PAPPA2: variants seen among roughly 807,000 people sequenced by gnomAD.
PAPPA2 encodes the protein pappalysin-2.
In PAPPA2, 86 loss-of-function variants were observed where a neutral mutation model predicts 176.4. The ratio of observed to expected loss-of-function variants is 0.49; its 90% CI spans 0.41 to 0.58. The LOEUF is 0.58. Among genes scored for constraint, PAPPA2 ranks in the 20% least tolerant of loss-of-function variants. The pLI, the probability that PAPPA2 is intolerant of heterozygous loss-of-function variation, is 0.00. For missense variants in PAPPA2, 2,073 were observed against 2,256.9 expected (o/e 0.92, Z 1.65); for synonymous variants, 809 against 852.2 (o/e 0.95, Z 0.88).
intron 1 of PAPPA2, among the ~76,000 whole-genome samples, chr1:176,494,669 A>G (rs1647499482): frequency 6.6e-6 from 1 of 152,092 alleles, no homozygotes; most frequent in Non-Finnish European, 1.5e-5. Context: ...GGCACACCAT[A>G]CTCACATCAG....
intron 4 of PAPPA2, among the ~76,000 whole-genome samples, chr1:176,672,243 T>C (rs1659051181): frequency 6.6e-6 from 1 of 152,054 alleles, no homozygotes; most frequent in Non-Finnish European, 1.5e-5. Context: ...ATGTTCTAGA[T>C]AGCATTCTAT....
At chr1:176,632,793 A>C (rs1399343530) in intron 3 of PAPPA2, among the ~76,000 whole-genome samples, 1 of 152,220 alleles carries the variant, frequency 6.6e-6, no homozygotes, top group Non-Finnish European at 1.5e-5. Flanking sequence ...CTCTTAGAAC[A>C]AAATTTTAAA....
At position 176,556,696 on chromosome 1, in the gene PAPPA2, C is replaced by T. The variant is rs768159964; in HGVS notation, c.374C>T (p.Pro125Leu). The T allele has an allele frequency of 3.1e-6, 5 of 1,614,080 alleles. No homozygotes were observed. Among genetic ancestry groups the T allele is most frequent in the Middle Eastern group, 1.6e-4 (1 of 6,062 alleles). Residue 125 changes from proline to leucine, a missense_variant, in exon 2 of 23, where the codon CCG (proline) becomes CTG (leucine). This residue lies in a region of PAPPA2 where 1,196 missense variants were observed against 1,330.4 expected (regional missense o/e 0.90). Coordinates refer to ENST00000367662, the MANE Select transcript of PAPPA2 (RefSeq NM_020318.3). ...GGACTGAGGGGTGCAGTTGAAGAGC[C>T]GGCTGCCCCATGGGTAGGGGATAGT... The part of the protein sequence containing the change: ...PAGLRGAVEE[P>L]AAPWVGDSPI...
At chr1:176,619,721 T>C (rs902435374) in intron 3 of PAPPA2, among the ~76,000 whole-genome samples, 8 of 152,212 alleles carry the variant, frequency 5.3e-5, no homozygotes, top group Non-Finnish European at 8.8e-5. Flanking sequence ...GGTCTTTCTG[T>C]AATCTGCCAT....
chr1:176,693,147 G>A (rs1462247302), intron 6 of PAPPA2, among the ~76,000 whole-genome samples: 2 of 152,226 alleles, frequency 1.3e-5, no homozygotes, highest in African/African-American at 2.4e-5. Flanking sequence ...CCCCTTCTGT[G>A]ACCTGTGCAG....
At chr1:176,591,554 C>A (rs1163518777) in intron 2 of PAPPA2, among the ~76,000 whole-genome samples, 1 of 152,176 alleles carries the variant, frequency 6.6e-6, no homozygotes, top group Non-Finnish European at 1.5e-5. Flanking sequence ...ATATTGAACT[C>A]TCCATGATAT....
At chr1:176,563,577 G>A (rs980118149) in intron 2 of PAPPA2, among the ~76,000 whole-genome samples, 2 of 152,030 alleles carry the variant, frequency 1.3e-5, no homozygotes, top group Non-Finnish European at 2.9e-5. Flanking sequence ...TGCAAAAGAG[G>A]CCTTCTGACC....
At chr1:176,535,466 T>C (rs1382304612) in intron 1 of PAPPA2, among the ~76,000 whole-genome samples, 1 of 152,230 alleles carries the variant, frequency 6.6e-6, no homozygotes, top group Non-Finnish European at 1.5e-5. Flanking sequence ...ACTGTACTGA[T>C]AACAGAGACA....
Position 176,623,627 on chromosome 1 carries a change from TTTAC to T in PAPPA2, c.1991+28035_1991+28038del, listed in dbSNP as rs1467678927. 2.7e-4 allele frequency among the ~76,000 whole-genome samples: 22 copies of T among 81,958 alleles called. 1 individual carries two copies. The highest frequency in any genetic ancestry group is 1.1e-3 in the South Asian group (2 of 1,848). The allele number at this position is 81,958 out of a possible 152,430, so 53.8% of individuals were successfully genotyped here. Reference sequence around the variant, plus strand: ...CCTTCCTTCCTTCCTTCCTTCCTTTTTTACTTTCTTTCTTTCTTTCTTTCTTTCT... The same window carrying T: ...CCTTCCTTCCTTCCTTCCTTCCTTTTTTTCTTTCTTTCTTTCTTTCTTTCT... On this transcript the variant is annotated intron_variant, in intron 3 of 22. Transcript: ENST00000367662.
chr1:176,750,627 GACA>G (rs547536169), intron 14 of PAPPA2, among the ~76,000 whole-genome samples: 41 of 151,418 alleles, frequency 2.7e-4, no homozygotes, highest in South Asian at 6.3e-4. Flanking sequence ...AAAACAAAGT[GACA>G]ACAACAACAA....
At chr1:176,506,461 A>T (rs1414504444) in intron 1 of PAPPA2, among the ~76,000 whole-genome samples, 1 of 151,708 alleles carries the variant, frequency 6.6e-6, no homozygotes, top group Non-Finnish European at 1.5e-5. Context: ...CATTTTAATG[A>T]TATTGTTTCT....
chr1:176,662,193 T>G (rs1658394283), intron 3 of PAPPA2, among the ~76,000 whole-genome samples: 1 of 152,176 alleles, frequency 6.6e-6, no homozygotes, highest in Admixed American at 6.5e-5. Flanking sequence ...ATCTATGTGA[T>G]CCGGGGGAAG....
At chr1:176,558,268 G>T in intron 2 of PAPPA2, among the ~76,000 whole-genome samples, 1 of 152,118 alleles carries the variant, frequency 6.6e-6, no homozygotes, top group Admixed American at 6.5e-5. Flanking sequence ...TATATTGATG[G>T]GGAAACTGAG....
At chr1:176,513,542 G>C (rs1025695793) in intron 1 of PAPPA2, among the ~76,000 whole-genome samples, 2 of 152,130 alleles carry the variant, frequency 1.3e-5, no homozygotes, top group Non-Finnish European at 1.5e-5. Context: ...AGCACAGCAC[G>C]ATATGAATAG....
At chr1:176,691,483 C>T (rs977455557) in intron 5 of PAPPA2, among the ~76,000 whole-genome samples, 3 of 152,218 alleles carry the variant, frequency 2.0e-5, no homozygotes, top group African/African-American at 7.2e-5. Context: ...GAGGGCAGAG[C>T]TCTGGAGGCA....
chr1:176,662,263 C>A (rs750193190), intron 3 of PAPPA2, among the ~76,000 whole-genome samples: 2 of 152,110 alleles, frequency 1.3e-5, no homozygotes, highest in Non-Finnish European at 2.9e-5. Context: ...ATGCTAACTT[C>A]ATAAAGTTGT....
chr1:176,616,677 TTAAGCTCCTCTA>T (rs1448412211), intron 3 of PAPPA2: 1 of 1,540,734 alleles, frequency 6.5e-7, no homozygotes, highest in Non-Finnish European at 8.9e-7. Flanking sequence ...TCCATACTTC[TTAAGCTCCTCTA>T]TAAATTTATT....
chr1:176,501,150 A>G (rs1647939114), intron 1 of PAPPA2, among the ~76,000 whole-genome samples: 1 of 151,070 alleles, frequency 6.6e-6, no homozygotes, highest in South Asian at 2.1e-4. Flanking sequence ...ACCACTGGTA[A>G]GACTGACTCC....
intron 1 of PAPPA2, among the ~76,000 whole-genome samples, chr1:176,516,220 ATGC>A (rs1306806369): frequency 6.6e-6 from 1 of 151,726 alleles, no homozygotes; most frequent in Non-Finnish European, 1.5e-5. Context: ...CTCACCACAA[ATGC>A]TGCTAAGATT....
Sources: allele counts gnomAD v4.1 joint callset (sites outside exome capture counted in the v4.1 genomes callset), GRCh38; gene constraint gnomAD v4.1.1; regional missense constraint gnomAD v4.1.1; transcripts MANE v1.5; gene names NCBI Gene and HGNC (gene_info 2026-07-23, HGNC 2026-07-21).